The following CCDC171 variants were observed in gnomAD, a reference collection of about 807,000 sequenced individuals.
The protein encoded by CCDC171 is coiled-coil domain containing 171, also known as coiled-coil domain-containing protein 171.
CCDC171 carries 177 observed loss-of-function variants against 168.2 expected under a neutral mutation model. The observed-to-expected ratio is 1.05, with a 90% CI of 0.93 to 1.19. The LOEUF is 1.19. Ranked by LOEUF, CCDC171 falls within the 50% of genes most tolerant of loss-of-function variation. The pLI is 0.00. For synonymous variants in CCDC171, 687 were observed against 540.8 expected (o/e 1.27, Z -3.75); for missense variants, 1,991 against 1,539.0 (o/e 1.29, Z -4.91).
At chr9:15,677,877 G>GTC (rs2049715007) in intron 9 of CCDC171, among the ~76,000 whole-genome samples, 4 of 50,794 alleles carry the variant, frequency 7.9e-5, no homozygotes, top group African/African-American at 2.9e-4. Context: ...GTGTGTGTGT[G>GTC]TCATATATAT....
chr9:15,867,606 C>T (rs897910072), intron 23 of CCDC171, among the ~76,000 whole-genome samples: 6 of 151,968 alleles, frequency 3.9e-5, no homozygotes, highest in East Asian at 1.9e-4. Flanking sequence ...TCATATTGTT[C>T]GGTGTCATTC....
At chr9:15,569,921 ATTTG>A (rs1166243575) in intron 2 of CCDC171, among the ~76,000 whole-genome samples, 2 of 149,908 alleles carry the variant, frequency 1.3e-5, no homozygotes, top group East Asian at 3.9e-4. Flanking sequence ...TTTTATTTTT[ATTTG>A]TTTAGTTTTT....
chr9:15,912,355 T>A (rs969981966), intron 24 of CCDC171, among the ~76,000 whole-genome samples: 1 of 152,320 alleles, frequency 6.6e-6, no homozygotes, highest in African/African-American at 2.4e-5. Flanking sequence ...TGTTTGTCTA[T>A]TATTGGTGTA....
chr9:15,706,558 G>A (rs1480407841), intron 11 of CCDC171, among the ~76,000 whole-genome samples: 4 of 152,090 alleles, frequency 2.6e-5, no homozygotes, highest in Non-Finnish European at 4.4e-5. Flanking sequence ...AAAGTGCTGC[G>A]ATTATAGGTG....
At chr9:15,841,108 A>G (rs570257298) in intron 21 of CCDC171, among the ~76,000 whole-genome samples, 1 of 152,184 alleles carries the variant, frequency 6.6e-6, no homozygotes, top group African/African-American at 2.4e-5. Flanking sequence ...GGAAATTTTT[A>G]AGGTGAATTT....
chr9:15,815,180 T>A (rs2059518419), intron 21 of CCDC171, among the ~76,000 whole-genome samples: 2 of 152,186 alleles, frequency 1.3e-5, no homozygotes, highest in African/African-American at 2.4e-5. Context: ...CCCATCAAGC[T>A]GTTAGCAGCC....
intron 14 of CCDC171, among the ~76,000 whole-genome samples, chr9:15,726,397 G>C (rs2053804208): frequency 6.6e-6 from 1 of 152,182 alleles, no homozygotes; most frequent in Non-Finnish European, 1.5e-5. Flanking sequence ...CCTTGAGGAT[G>C]AACTTCCTTG....
At chr9:15,804,873 A>T (rs1448809416) in intron 21 of CCDC171, among the ~76,000 whole-genome samples, 1 of 151,934 alleles carries the variant, frequency 6.6e-6, no homozygotes, top group African/African-American at 2.4e-5. Flanking sequence ...AGCTGTGAAT[A>T]TGTCTGGTCT....
intron 3 of CCDC171, among the ~76,000 whole-genome samples, chr9:15,980,774 C>T (rs560923408): frequency 6.6e-6 from 1 of 151,430 alleles, no homozygotes; most frequent in Non-Finnish European, 1.5e-5. Context: ...TTTCAAAGCA[C>T]CTGCTACGTA....
chr9:15,587,391 C>T (rs188908579), intron 4 of CCDC171, among the ~76,000 whole-genome samples: 1 of 152,284 alleles, frequency 6.6e-6, no homozygotes. Context: ...GGGAGTTTCT[C>T]TACACAAGCT....
chr9:15,809,779 A>C (rs891265528), intron 21 of CCDC171, among the ~76,000 whole-genome samples: 1 of 152,200 alleles, frequency 6.6e-6, no homozygotes, highest in Non-Finnish European at 1.5e-5. Flanking sequence ...AGAGCGAAAG[A>C]ACAAAGCTTC....
chr9:15,751,194 A>G (rs2055716323), intron 18 of CCDC171, among the ~76,000 whole-genome samples: 1 of 152,200 alleles, frequency 6.6e-6, no homozygotes, highest in Non-Finnish European at 1.5e-5. Context: ...TACAAAGAGA[A>G]TAAAATACCT....
chr9:15,669,790 T>C (rs570771153), intron 9 of CCDC171, among the ~76,000 whole-genome samples: 1 of 152,174 alleles, frequency 6.6e-6, no homozygotes, highest in South Asian at 2.1e-4. Context: ...AGACTCAATA[T>C]TTAGGAATTT....
chr9:16,070,272 C>T, the CCDC171 span, among the ~76,000 whole-genome samples: 1 of 152,308 alleles, frequency 6.6e-6, no homozygotes, highest in African/African-American at 2.4e-5. Flanking sequence ...TTCTGAAGTC[C>T]AGCCAAGGAG....
At chr9:15,850,951 G>A (rs1449900884) in intron 23 of CCDC171, among the ~76,000 whole-genome samples, 3 of 151,872 alleles carry the variant, frequency 2.0e-5, no homozygotes, top group Admixed American at 6.6e-5. Context: ...ATTTCTTACT[G>A]TTTTAAACAC....
At chr9:15,876,543 C>A (rs928899260) in intron 24 of CCDC171, among the ~76,000 whole-genome samples, 2 of 152,076 alleles carry the variant, frequency 1.3e-5, no homozygotes, top group African/African-American at 2.4e-5. Context: ...TAGTATTTGA[C>A]TGCTAAGCTG....
At chr9:16,009,619 A>T (rs1473000609) in intron 3 of CCDC171, among the ~76,000 whole-genome samples, 1 of 152,182 alleles carries the variant, frequency 6.6e-6, no homozygotes, top group Non-Finnish European at 1.5e-5. Context: ...ATTATGTCCT[A>T]CCAAAGCAGA....
At chr9:15,614,402 T>A (rs1564054083) in intron 6 of CCDC171, among the ~76,000 whole-genome samples, 1 of 152,200 alleles carries the variant, frequency 6.6e-6, no homozygotes, top group Non-Finnish European at 1.5e-5. Context: ...GGGATGAGAA[T>A]AGTACAAGTT....
In CCDC171 at chr9:15,946,449, A is replaced by G. The variant is rs956116566; in HGVS notation, c.3754-25160A>G. ...CTTCAAAGAGAATAAAATACCTAAG[A>G]ATCCACCTTACAAGGGACGTGAAGG... On this transcript the variant is annotated intron_variant, in intron 25 of 25. Coordinates refer to ENST00000380701, the MANE Select transcript of CCDC171 (RefSeq NM_173550.4). 7.1e-4 allele frequency among the ~76,000 whole-genome samples: 108 copies of G among 151,996 alleles called. 1 individual carries two copies. The highest frequency in any genetic ancestry group is 2.4e-3 in the African/African-American group (99 of 41,418).
Sources: allele counts gnomAD v4.1 joint callset (sites outside exome capture counted in the v4.1 genomes callset), GRCh38; gene constraint gnomAD v4.1.1; transcripts MANE v1.5; gene names NCBI Gene and HGNC (gene_info 2026-07-23, HGNC 2026-07-21).